The following SHISA9 variants were observed in gnomAD, a reference collection of about 807,000 sequenced individuals.
SHISA9 encodes the protein shisa family member 9.
SHISA9 carries 13 observed loss-of-function variants against 38.0 expected under a neutral mutation model. The observed-to-expected ratio is 0.34, with a 90% CI of 0.22 to 0.54. SHISA9 has a LOEUF of 0.54. Ranked by LOEUF, SHISA9 falls within the 20% of genes least tolerant of loss-of-function variation. The pLI is 0.91. For missense variants in SHISA9, 538 were observed against 575.8 expected (o/e 0.93, Z 0.67); for synonymous variants, 275 against 242.0 (o/e 1.14, Z -1.27).
chr16:13,274,001 G>A, the SHISA9 span, among the ~76,000 whole-genome samples: 131 of 152,106 alleles, frequency 8.6e-4, no homozygotes, highest in African/African-American at 3.0e-3. Context: ...TTTTAGAAAA[G>A]AATCATTCAC....
intron 2 of SHISA9, among the ~76,000 whole-genome samples, chr16:13,098,618 A>G (rs2073849713): frequency 1.3e-5 from 2 of 152,232 alleles, no homozygotes; most frequent in African/African-American, 2.4e-5. Flanking sequence ...GACTTCTGGA[A>G]TCAACCCAAA....
chr16:13,075,494 C>T (rs8059314), intron 2 of SHISA9, among the ~76,000 whole-genome samples: 9,532 of 152,030 alleles, frequency 0.063, 431 homozygotes, highest in Admixed American at 0.14. Flanking sequence ...GACAGGAAGA[C>T]GGGAAGACGC....
Position 13,213,253 on chromosome 16 carries a change from G to C in SHISA9, c.848G>C (p.Gly283Ala). 1 of 1,551,640 alleles carries C rather than the reference G, an allele frequency of 6.4e-7. No homozygotes were observed. ...CATTTCTTGATTGTTATTTTTTTAG[G>C]AAGTTCTGATGGTGACTGGGCAGTA... ...LNKYASLKAVGSSDGDWAVST... is the reference protein window; with the variant it reads ...LNKYASLKAVASSDGDWAVST... The change falls in exon 4 of 5, where the codon GGA (glycine) becomes GCA (alanine). Residue 283 changes from glycine (G) to alanine (A), a missense_variant and splice_region_variant. Gly to Ala is a moderately conservative substitution (Grantham distance 60). Around this residue, in one of 4 missense-constraint regions of SHISA9, gnomAD observed 326 missense variants for 305.9 expected, o/e 1.07. Transcript: ENST00000558583.
At chr16:12,980,417 T>C (rs1237844583) in intron 2 of SHISA9, among the ~76,000 whole-genome samples, 1 of 152,208 alleles carries the variant, frequency 6.6e-6, no homozygotes, top group Non-Finnish European at 1.5e-5. Context: ...TATTACTTCA[T>C]GTATTCTTGC....
chr16:13,252,981 TC>T, the SHISA9 span, among the ~76,000 whole-genome samples: 3 of 152,182 alleles, frequency 2.0e-5, no homozygotes, highest in Non-Finnish European at 4.4e-5. Context: ...TCACTCCTCT[TC>T]TTTAGCCTCC....
the SHISA9 span, among the ~76,000 whole-genome samples, chr16:13,512,988 C>A: frequency 2.6e-5 from 4 of 152,164 alleles, no homozygotes; most frequent in Admixed American, 6.5e-5. Context: ...GCAATTGCAA[C>A]GGAAGCCAAA....
At chr16:13,500,599 T>G in the SHISA9 span, among the ~76,000 whole-genome samples, 18 of 65,012 alleles carry the variant, frequency 2.8e-4, no homozygotes, top group East Asian at 8.5e-4. Flanking sequence ...AAAGACAGAG[T>G]GGAGTGTGGG....
At chr16:13,142,741 G>T (rs906791050) in intron 2 of SHISA9, among the ~76,000 whole-genome samples, 5 of 152,012 alleles carry the variant, frequency 3.3e-5, no homozygotes, top group Admixed American at 1.3e-4. Context: ...TTCACAGAGT[G>T]GGGGGGATGT....
At chr16:13,052,280 C>T (rs58861064) in intron 2 of SHISA9, among the ~76,000 whole-genome samples, 7,976 of 152,210 alleles carry the variant, frequency 0.052, 658 homozygotes, top group African/African-American at 0.18. Flanking sequence ...CATTTTCCCC[C>T]CTCCTTTCTG....
chr16:12,996,414 GC>G (rs886408987), intron 2 of SHISA9, among the ~76,000 whole-genome samples: 1 of 152,134 alleles, frequency 6.6e-6, no homozygotes. Flanking sequence ...TTTGGCACAG[GC>G]CCCCAGAACA....
At chr16:13,312,980 G>A in the SHISA9 span, among the ~76,000 whole-genome samples, 1 of 152,084 alleles carries the variant, frequency 6.6e-6, no homozygotes, top group Non-Finnish European at 1.5e-5. Context: ...CCCAGGCCGG[G>A]CGCGGTGGCT....
At chr16:13,314,611 AT>A in the SHISA9 span, among the ~76,000 whole-genome samples, 1 of 152,202 alleles carries the variant, frequency 6.6e-6, no homozygotes, top group African/African-American at 2.4e-5. Context: ...CATACATTTA[AT>A]GAATACAGTT....
the SHISA9 span, among the ~76,000 whole-genome samples, chr16:13,382,226 G>A: frequency 1.3e-5 from 2 of 152,190 alleles, no homozygotes; most frequent in Non-Finnish European, 2.9e-5. Flanking sequence ...GAGATATATT[G>A]CAGTAAGAAT....
At chr16:13,446,839 G>T in the SHISA9 span, among the ~76,000 whole-genome samples, 2 of 151,924 alleles carry the variant, frequency 1.3e-5, no homozygotes, top group African/African-American at 4.8e-5. Context: ...AATTAGCCAG[G>T]CACGCTGACA....
the SHISA9 span, among the ~76,000 whole-genome samples, chr16:13,501,908 A>G: frequency 2.0e-5 from 3 of 152,186 alleles, no homozygotes; most frequent in African/African-American, 7.2e-5. Flanking sequence ...AGGCTGAGGC[A>G]GGAGAATCAC....
At chr16:13,427,394 T>G in the SHISA9 span, among the ~76,000 whole-genome samples, 1 of 152,174 alleles carries the variant, frequency 6.6e-6, no homozygotes, top group African/African-American at 2.4e-5. Flanking sequence ...CTGTTACAGA[T>G]GGAAGTGTAA....
At chr16:13,102,966 A>T (rs1306633838) in intron 2 of SHISA9, among the ~76,000 whole-genome samples, 1 of 152,242 alleles carries the variant, frequency 6.6e-6, no homozygotes, top group Non-Finnish European at 1.5e-5. Flanking sequence ...GGCTATGCAT[A>T]TAGAAATACT....
the SHISA9 span, among the ~76,000 whole-genome samples, chr16:13,549,637 T>C: frequency 6.6e-6 from 1 of 152,164 alleles, no homozygotes; most frequent in Admixed American, 6.5e-5. Context: ...AATTAACCAT[T>C]ATAGGTTATG....
At chr16:13,074,812 A>G (rs2073562386) in intron 2 of SHISA9, among the ~76,000 whole-genome samples, 2 of 151,398 alleles carry the variant, frequency 1.3e-5, no homozygotes, top group African/African-American at 2.4e-5. Context: ...TTACAGGCAC[A>G]TGCCACCATG....
Sources: gnomAD v4.1 joint callset for allele counts (sites outside exome capture counted in the v4.1 genomes callset) on GRCh38, gnomAD v4.1.1 for gene constraint, gnomAD v4.1.1 regional missense constraint, MANE v1.5 for transcripts, NCBI Gene and HGNC (gene_info 2026-07-23, HGNC 2026-07-21) for gene names.